Variants in DNAJC6 observed in about 807,000 individuals in gnomAD.
DNAJC6 encodes DnaJ heat shock protein family (Hsp40) member C6.
In DNAJC6, 34 loss-of-function variants were observed where a neutral mutation model predicts 110.0. The ratio of observed to expected loss-of-function variants is 0.31; its 90% CI spans 0.24 to 0.41. DNAJC6 has a LOEUF of 0.41. Among genes scored for constraint, DNAJC6 ranks in the 10% least tolerant of loss-of-function variants. The pLI is 1.00. For missense variants in DNAJC6, 1,031 were observed against 1,207.8 expected, an observed-to-expected ratio of 0.85 and a Z score of 2.17; for synonymous variants, 406 against 437.2, an observed-to-expected ratio of 0.93 and a Z score of 0.89.
At chr1:65,380,904 G>GTTT (rs1557551972) in intron 5 of DNAJC6, among the ~76,000 whole-genome samples, 7 of 107,052 alleles carry the variant, frequency 6.5e-5, no homozygotes, top group African/African-American at 3.9e-4. Context: ...TTTTTTTTTT[G>GTTT]TTTTTTGTTT....
At chr1:65,409,979 T>C (rs1646113629) in intron 17 of DNAJC6, among the ~76,000 whole-genome samples, 1 of 152,206 alleles carries the variant, frequency 6.6e-6, no homozygotes, top group Non-Finnish European at 1.5e-5. Flanking sequence ...AGATGTTGTA[T>C]GGACAGGCGG....
chr1:65,397,906 C>A (rs1157743619), intron 13 of DNAJC6, among the ~76,000 whole-genome samples: 1 of 152,000 alleles, frequency 6.6e-6, no homozygotes, highest in Non-Finnish European at 1.5e-5. Context: ...TTGATGCCTT[C>A]TGGTGGTGAT....
At chr1:65,311,211 G>C in intron 1 of DNAJC6, among the ~76,000 whole-genome samples, 1 of 123,512 alleles carries the variant, frequency 8.1e-6, no homozygotes, top group Admixed American at 8.9e-5. Context: ...ATGGTTTCAG[G>C]ACTGTTTTTT....
chr1:65,283,495 T>C (rs889618204), intron 1 of DNAJC6, among the ~76,000 whole-genome samples: 2 of 152,204 alleles, frequency 1.3e-5, no homozygotes, highest in African/African-American at 4.8e-5. Context: ...CCATTCCTTT[T>C]TACTGCTGAG....
chr1:65,347,795 G>A (rs183360221), intron 1 of DNAJC6, among the ~76,000 whole-genome samples: 2 of 152,004 alleles, frequency 1.3e-5, no homozygotes, highest in East Asian at 1.9e-4. Flanking sequence ...TTGACCAGTC[G>A]TACTTCCAGT....
chr1:65,313,677 CT>C (rs1645122856), intron 1 of DNAJC6, among the ~76,000 whole-genome samples: 1 of 152,128 alleles, frequency 6.6e-6, no homozygotes, highest in South Asian at 2.1e-4. Context: ...GATTTCCCCC[CT>C]GTTTTTAGAT....
chr1:65,364,041 C>T (rs866276617), intron 1 of DNAJC6, among the ~76,000 whole-genome samples: 2 of 152,046 alleles, frequency 1.3e-5, no homozygotes, highest in Non-Finnish European at 2.9e-5. Context: ...GAGGAGTGCC[C>T]TGGACTCACT....
chr1:65,285,473 A>C (rs371259857), intron 1 of DNAJC6, among the ~76,000 whole-genome samples: 1 of 152,074 alleles, frequency 6.6e-6, no homozygotes, highest in African/African-American at 2.4e-5. Context: ...TTGTTGCCTG[A>C]ACTAGATGTT....
rs1023388534 is a variant in DNAJC6, at chr1:65,309,717, A to G, written c.-29A>G. Reference sequence around the variant, plus strand: ...ATCTCCCTTTTCGCTTCCCAGGTTGATTATTTTCTCTTTTCTCCGGGCTTG... The same window carrying G: ...ATCTCCCTTTTCGCTTCCCAGGTTGGTTATTTTCTCTTTTCTCCGGGCTTG... On this transcript the variant is annotated 5_prime_UTR_variant, in exon 1 of 19. Transcript: ENST00000371069. 6 of 1,533,932 alleles carry G rather than the reference A, an allele frequency of 3.9e-6. No homozygotes were observed. The African/African-American group carries it at 8.6e-5, about 22-fold the overall frequency.
intron 4 of DNAJC6, among the ~76,000 whole-genome samples, chr1:65,368,861 G>A (rs1162395643): frequency 6.7e-6 from 1 of 148,260 alleles, no homozygotes. Flanking sequence ...TGCAACCTTC[G>A]CCTCCTGGGT....
chr1:65,398,933 C>T, intron 14 of DNAJC6, 52 bp downstream of exon 14: 1 of 1,583,470 alleles, frequency 6.3e-7, no homozygotes, highest in Non-Finnish European at 8.7e-7. Flanking sequence ...AAAGCATAAT[C>T]CTTACCCAAG....
intron 13 of DNAJC6, among the ~76,000 whole-genome samples, chr1:65,397,185 T>C (rs1413249971): frequency 6.6e-6 from 1 of 152,170 alleles, no homozygotes; most frequent in Non-Finnish European, 1.5e-5. Flanking sequence ...GGGAAAGCAA[T>C]GATCATTTCA....
Position 65,384,589 on chromosome 1 carries a change from G to T in DNAJC6, c.800+263G>T, listed in dbSNP as rs573372691. 2.9e-3 allele frequency among the ~76,000 whole-genome samples: 438 copies of T among 152,270 alleles called. 20 individuals are homozygous for T. In the South Asian group the frequency reaches 0.088, roughly 31 times the overall value. ...GGAGGAGCAAAGGCACATCTTACAT[G>T]GTGGCGGGGAAGAGAGCGTGTGCAG... is the stretch of plus-strand genomic sequence containing the variant. On this transcript the variant is annotated intron_variant, in intron 6 of 18. Transcript: ENST00000371069.
intron 1 of DNAJC6, among the ~76,000 whole-genome samples, chr1:65,334,060 G>A (rs978211647): frequency 6.6e-6 from 1 of 152,156 alleles, no homozygotes; most frequent in Non-Finnish European, 1.5e-5. Flanking sequence ...CAAATTTATC[G>A]TTAGGTTAAT....
At chr1:65,264,952 A>G in intron 1 of DNAJC6, 1 of 1,610,744 alleles carries the variant, frequency 6.2e-7, no homozygotes, top group Non-Finnish European at 8.5e-7. Flanking sequence ...GGACTGCAGA[A>G]AGATGGCTAA....
chr1:65,314,925 A>G (rs139786985), intron 1 of DNAJC6, among the ~76,000 whole-genome samples: 323 of 152,386 alleles, frequency 2.1e-3, no homozygotes, highest in African/African-American at 7.6e-3. Context: ...AGACTGCCAG[A>G]TTTCATAGAT....
At chr1:65,362,012 C>G (rs1162817884) in intron 1 of DNAJC6, among the ~76,000 whole-genome samples, 1 of 152,122 alleles carries the variant, frequency 6.6e-6, no homozygotes, top group South Asian at 2.1e-4. Flanking sequence ...CATTTATGTA[C>G]AGCTTGAAAT....
intron 4 of DNAJC6, among the ~76,000 whole-genome samples, chr1:65,376,328 CA>C (rs77878717): frequency 7.2e-4 from 108 of 150,724 alleles, no homozygotes; most frequent in African/African-American, 2.4e-3. Context: ...TATATTGTTT[CA>C]AAAAAAACAA....
chr1:65,349,091 A>AATACATATATAAAAATATATATGTAAAT (rs1557534979), intron 1 of DNAJC6, among the ~76,000 whole-genome samples: 22 of 135,848 alleles, frequency 1.6e-4, no homozygotes, highest in Admixed American at 3.9e-4. Context: ...TATATATGTA[A>AATACATATATAAAAATATATATGTAAAT]ATATATATAT....
Sources: allele counts gnomAD v4.1 joint callset (sites outside exome capture counted in the v4.1 genomes callset), GRCh38; gene constraint gnomAD v4.1.1; transcripts MANE v1.5; gene names NCBI Gene and HGNC (gene_info 2026-07-23, HGNC 2026-07-21).